ZNF846: variants seen among roughly 807,000 people sequenced by gnomAD.
ZNF846 encodes the protein zinc finger protein 420 pseudogene.
In ZNF846, 15 loss-of-function variants were observed where a neutral mutation model predicts 16.0. The ratio of observed to expected loss-of-function variants is 0.94; its 90% CI spans 0.63 to 1.45. ZNF846 has a LOEUF of 1.45. ZNF846 is among the 40% of genes most tolerant of loss of function. The pLI, the probability that ZNF846 is intolerant of heterozygous loss-of-function variation, is 0.00. For synonymous variants in ZNF846, 229 were observed against 212.0 expected, an observed-to-expected ratio of 1.08 and a Z score of -0.70; for missense variants, 714 against 622.3, an observed-to-expected ratio of 1.15 and a Z score of -1.57.
intron 1 of ZNF846, among the ~76,000 whole-genome samples, chr19:9,775,213 GTATATA>G (rs1007241009): frequency 6.6e-6 from 1 of 150,454 alleles, no homozygotes; most frequent in Admixed American, 6.6e-5. Context: ...GTGTGTGTGT[GTATATA>G]TATATAACAA....
At chr19:9,778,252 C>G (rs180692249) in intron 1 of ZNF846, among the ~76,000 whole-genome samples, 6 of 151,936 alleles carry the variant, frequency 3.9e-5, no homozygotes, top group Non-Finnish European at 7.4e-5. Flanking sequence ...AAAAAGAAAC[C>G]AAGAAGAAAT....
At chr19:9,779,259 A>T (rs1367090332) in intron 1 of ZNF846, among the ~76,000 whole-genome samples, 1 of 151,848 alleles carries the variant, frequency 6.6e-6, no homozygotes, top group East Asian at 1.9e-4. Context: ...GAATAAAAGG[A>T]ATTTATTTAT....
upstream of ZNF846, among the ~76,000 whole-genome samples, chr19:9,770,409 T>C (rs1336408691): frequency 6.6e-6 from 1 of 151,658 alleles, no homozygotes; most frequent in Non-Finnish European, 1.5e-5. Flanking sequence ...CAGTACTTAA[T>C]TTTTTTTTAC....
downstream of ZNF846, chr19:9,752,078 G>C (rs116030339): frequency 3.9e-5 from 6 of 152,196 alleles, no homozygotes; most frequent in Non-Finnish European, 8.8e-5. Context: ...GGGATTACAT[G>C]CATGAGTCAC....
At chr19:9,771,688 A>T (rs1351720510), upstream of ZNF846, among the ~76,000 whole-genome samples, 1 of 151,800 alleles carries the variant, frequency 6.6e-6, no homozygotes, top group Non-Finnish European at 1.5e-5. Flanking sequence ...TTATCCCCTT[A>T]TTAGTTGATG....
exon 6 of ZNF846, chr19:9,758,431 G>C (rs768518037): frequency 6.2e-7 from 1 of 1,612,974 alleles, no homozygotes; most frequent in Non-Finnish European, 8.5e-7. Context: ...GATCTTATAT[G>C]TAACTTAAGG....
upstream of ZNF846, among the ~76,000 whole-genome samples, chr19:9,770,480 C>CTTTTTTTTTTTT: frequency 7.7e-6 from 1 of 130,138 alleles, no homozygotes; most frequent in African/African-American, 2.8e-5. Flanking sequence ...TGGGTTTTCT[C>CTTTTTTTTTTTT]TTTTTTTTTT....
upstream of ZNF846, among the ~76,000 whole-genome samples, chr19:9,769,232 G>A (rs1177036048): frequency 6.6e-6 from 1 of 152,012 alleles, no homozygotes; most frequent in Non-Finnish European, 1.5e-5. Context: ...CCACAGTTGG[G>A]CCCATCACGC....
chr19:9,770,205 C>T (rs1351769188), upstream of ZNF846, among the ~76,000 whole-genome samples: 1 of 152,006 alleles, frequency 6.6e-6, no homozygotes, highest in Non-Finnish European at 1.5e-5. Context: ...AAAAATAAAC[C>T]CAGTACCCTA....
downstream of ZNF846, among the ~76,000 whole-genome samples, chr19:9,750,110 C>G (rs565263510): frequency 2.7e-4 from 41 of 152,240 alleles, no homozygotes; most frequent in South Asian, 7.5e-3. Flanking sequence ...CACTACCAAA[C>G]AGATGGGAGC....
upstream of ZNF846, among the ~76,000 whole-genome samples, chr19:9,772,001 C>G (rs1031842462): frequency 6.6e-6 from 1 of 151,564 alleles, no homozygotes; most frequent in Non-Finnish European, 1.5e-5. Flanking sequence ...CTCTTGACCT[C>G]GTGATCCACC....
chr19:9,774,022 T>A (rs973401037), intron 1 of ZNF846, among the ~76,000 whole-genome samples: 2 of 152,144 alleles, frequency 1.3e-5, no homozygotes, highest in South Asian at 2.1e-4. Context: ...TTTAGACTTA[T>A]CAAAAAATGT....
Position 9,760,771 on chromosome 19 carries a change from T to C in ZNF846, c.230-829A>G, listed in dbSNP as rs559962079. ...AAGAAGCTAGAGAGAAAAGGTTACA[T>C]TGTATGATTCCATTTATATAAGATA... On this transcript the variant is annotated intron_variant, in intron 4 of 5. Transcript: ENST00000397902. Among the ~76,000 whole-genome samples, 54 of 151,544 alleles carry C rather than the reference T, an allele frequency of 3.6e-4. 1 individual carries two copies. The highest frequency in any genetic ancestry group is 3.4e-3 in the Middle Eastern group (1 of 294).
At chr19:9,781,542 G>A (rs886519652) in intron 1 of ZNF846, among the ~76,000 whole-genome samples, 1 of 151,926 alleles carries the variant, frequency 6.6e-6, no homozygotes, top group African/African-American at 2.4e-5. Context: ...CTTTCATGCT[G>A]TCTGATGAAC....
At chr19:9,766,478 G>A (rs2045318062) in intron 1 of ZNF846, among the ~76,000 whole-genome samples, 2 of 151,286 alleles carry the variant, frequency 1.3e-5, no homozygotes, top group African/African-American at 4.9e-5. Context: ...CCACATTTGG[G>A]TTGTTCCTAA....
rs1159468316 is a variant in ZNF846 at position 9,758,574 on chromosome 19, T to C, written c.503A>G (p.Lys168Arg). ...TTCATGTTTAACACACTTAGGCATT[T>C]TCCCCTCAGCATGACTTTTCTTGTA... Residue 168 changes from lysine (K) to arginine (R), a missense_variant, in exon 6 of 6, where the codon AAA (lysine) becomes AGA (arginine). Transcript: ENST00000397902. 6 of 1,612,784 alleles carry C rather than the reference T, an allele frequency of 3.7e-6. No individual in the cohort carries two copies. In the South Asian group the frequency reaches 6.6e-5, roughly 18 times the overall value.
downstream of ZNF846, among the ~76,000 whole-genome samples, chr19:9,750,519 C>T (rs1486042991): frequency 6.6e-6 from 1 of 152,162 alleles, no homozygotes; most frequent in African/African-American, 2.4e-5. Flanking sequence ...CACAAGCTCT[C>T]TTATTTTTCT....
chr19:9,758,473 CTT>C lies in ZNF846; in HGVS notation c.602_603del (p.Lys201ArgfsTer8), dbSNP rs1360348717. On this transcript the variant is annotated frameshift_variant, in exon 6 of 6. Coordinates refer to ENST00000397902, the Ensembl canonical transcript of ZNF846. LOFTEE classifies it low-confidence loss of function (END_TRUNC). ...TGATTAAGAAAAGTTCTCCAACAGT[CTT>C]TGCATTCACACAATTTCTCTTGTGT... is the stretch of plus-strand genomic sequence containing the variant. The C allele has an allele frequency of 1.9e-6, 3 of 1,613,512 alleles. No homozygotes were observed. The highest frequency in any genetic ancestry group is 2.5e-6 in the Non-Finnish European group (3 of 1,179,996).
At chr19:9,775,878 A>G (rs1163804841) in intron 1 of ZNF846, among the ~76,000 whole-genome samples, 1 of 152,248 alleles carries the variant, frequency 6.6e-6, no homozygotes, top group Non-Finnish European at 1.5e-5. Flanking sequence ...AGACATGATT[A>G]TATATGAATA....
Sources: gnomAD v4.1 joint callset for allele counts (sites outside exome capture counted in the v4.1 genomes callset) on GRCh38, gnomAD v4.1.1 for gene constraint, MANE v1.5 for transcripts, NCBI Gene and HGNC (gene_info 2026-07-23, HGNC 2026-07-21) for gene names.